NKAIN3: variants seen among roughly 807,000 people sequenced by gnomAD.
The protein encoded by NKAIN3 is sodium/potassium transporting ATPase interacting 3.
A neutral mutation model predicts 30.2 loss-of-function variants in NKAIN3; 25 were observed. That is an observed-to-expected ratio of 0.83 (90% CI 0.60 to 1.16). The LOEUF is 1.16. Ranked by LOEUF, NKAIN3 falls within the 50% of genes most tolerant of loss-of-function variation. The probability of loss-of-function intolerance (pLI) is 0.00; values close to 1 mark genes in which losing one functional copy is unlikely to be tolerated. For synonymous variants in NKAIN3, 91 were observed against 89.6 expected (o/e 1.02, Z -0.09); for missense variants, 225 against 254.1 (o/e 0.89, Z 0.78).
At chr8:62,377,101 A>G (rs1241461467) in intron 1 of NKAIN3, among the ~76,000 whole-genome samples, 2 of 152,228 alleles carry the variant, frequency 1.3e-5, no homozygotes, top group Non-Finnish European at 2.9e-5. Context: ...TGGAAAATTA[A>G]CAATAGACTA....
chr8:62,579,154 A>G lies in NKAIN3; in HGVS notation c.55-385A>G, dbSNP rs1055640908. Among the ~76,000 whole-genome samples, 3 of 152,024 alleles carry G rather than the reference A, an allele frequency of 2.0e-5. No homozygotes were observed. In the East Asian group the frequency reaches 5.8e-4, roughly 29 times the overall value. On this transcript the variant is annotated intron_variant, in intron 1 of 6. Transcript: ENST00000623646. Reference sequence around the variant, plus strand: ...ATGCCTATATTAAGACATCACATGTACCCCATAAATATATATACCTATGAT... The same window carrying G: ...ATGCCTATATTAAGACATCACATGTGCCCCATAAATATATATACCTATGAT...
chr8:62,940,420 T>C (rs887942841), intron 5 of NKAIN3, among the ~76,000 whole-genome samples: 2 of 152,066 alleles, frequency 1.3e-5, no homozygotes, highest in East Asian at 3.9e-4. Context: ...CAAATGAACT[T>C]AACAGATATT....
In NKAIN3 at chr8:62,588,322, A is replaced by G. The variant is rs1338080872; in HGVS notation, c.193-1392A>G. ...ACCTGCATATACCAAAAATCTCACT[A>G]TATATTTTTACTTATCTTAACTTTT... On this transcript the variant is annotated intron_variant, in intron 2 of 6. Coordinates refer to ENST00000623646, the MANE Select transcript of NKAIN3 (RefSeq NM_001304533.3). Among the ~76,000 whole-genome samples, 3 of 151,848 alleles carry G rather than the reference A, an allele frequency of 2.0e-5. No individual in the cohort carries two copies. In the East Asian group the frequency reaches 5.8e-4, roughly 29 times the overall value.
At chr8:62,424,752 T>G (rs1328544325) in intron 1 of NKAIN3, among the ~76,000 whole-genome samples, 1 of 151,934 alleles carries the variant, frequency 6.6e-6, no homozygotes, top group Non-Finnish European at 1.5e-5. Flanking sequence ...CTTAGAAAAT[T>G]AAATATAGAA....
chr8:62,817,296 TA>T (rs1818715239), intron 4 of NKAIN3, among the ~76,000 whole-genome samples: 1 of 152,184 alleles, frequency 6.6e-6, no homozygotes, highest in Non-Finnish European at 1.5e-5. Context: ...AAACTTGAAA[TA>T]AATGTGTGTT....
chr8:62,703,130 C>T (rs1814397726), intron 3 of NKAIN3, among the ~76,000 whole-genome samples: 1 of 151,996 alleles, frequency 6.6e-6, no homozygotes, highest in Non-Finnish European at 1.5e-5. Flanking sequence ...TATTTCATAT[C>T]ATTACTAATA....
intron 5 of NKAIN3, among the ~76,000 whole-genome samples, chr8:62,926,309 A>T (rs1822440644): frequency 6.6e-6 from 1 of 152,122 alleles, no homozygotes; most frequent in African/African-American, 2.4e-5. Flanking sequence ...TTTAAATCTA[A>T]ATTCAGTATT....
rs1585983557 is a variant in NKAIN3, at chr8:62,589,904, TGTGTGTGTGTG to T, written c.273+111_273+121del. ...GTGTGTGTGTGTGTGTGTGTGTGTG[TGTGTGTGTGTG>T]TATAGAATGATAAAATACTATTCAA... On this transcript the variant is annotated intron_variant, in intron 3 of 6. Coordinates refer to ENST00000623646, the MANE Select transcript of NKAIN3 (RefSeq NM_001304533.3). The T allele has an allele frequency of 1.3e-5, 6 of 456,696 alleles. No individual in the cohort carries two copies. In the East Asian group the frequency reaches 2.0e-4, roughly 15 times the overall value. 28.3% of individuals were successfully genotyped at this position (456,696 alleles called of 1,614,324 possible).
chr8:62,746,492 A>C (rs1215475389), intron 3 of NKAIN3, among the ~76,000 whole-genome samples: 2 of 152,370 alleles, frequency 1.3e-5, no homozygotes, highest in African/African-American at 2.4e-5. Flanking sequence ...AAGTGCCTAC[A>C]TGAACATTCA....
At position 62,973,792 on chromosome 8, in the gene NKAIN3, C is replaced by A. The variant is rs983939657; in HGVS notation, c.*8385C>A. Among the ~76,000 whole-genome samples the A allele has an allele frequency of 6.6e-6, 1 of 151,942 alleles. No individual in the cohort carries two copies. The highest frequency in any genetic ancestry group is 2.4e-5 in the African/African-American group (1 of 41,384). The stretch of plus-strand genomic sequence containing the variant: ...AGGTTTTCTTCTAGGGTTTTAATGG[C>A]TTTGGGTTTTACATTTAAGTTTTTA... On this transcript the variant is annotated 3_prime_UTR_variant, in exon 7 of 7. Transcript: ENST00000623646.
At chr8:62,880,019 T>C (rs1366532137) in intron 4 of NKAIN3, among the ~76,000 whole-genome samples, 1 of 152,232 alleles carries the variant, frequency 6.6e-6, no homozygotes, top group East Asian at 1.9e-4. Flanking sequence ...GCTTAAACTT[T>C]ACAGCCTCCT....
chr8:62,357,771 A>T (rs1157978584), intron 1 of NKAIN3, among the ~76,000 whole-genome samples: 1 of 152,188 alleles, frequency 6.6e-6, no homozygotes, highest in Non-Finnish European at 1.5e-5. Flanking sequence ...CTGTTAGCAG[A>T]GTTTGCAAGA....
At chr8:62,610,000 G>A (rs1811241254) in intron 3 of NKAIN3, among the ~76,000 whole-genome samples, 1 of 152,068 alleles carries the variant, frequency 6.6e-6, no homozygotes, top group Non-Finnish European at 1.5e-5. Flanking sequence ...CTGTGTAGGG[G>A]ACAAGAGTGA....
At chr8:62,918,424 T>C in intron 4 of NKAIN3, 29 bp from the exon 5 acceptor site, 1 of 1,561,504 alleles carries the variant, frequency 6.4e-7, no homozygotes, top group Non-Finnish European at 8.8e-7. Flanking sequence ...GCATAGATTC[T>C]TAAGGTACAC....
Position 62,667,350 on chromosome 8 carries a change from T to TATGTATATATATATAA in NKAIN3, c.273+77558_273+77559insGTATATATATATAAAT, listed in dbSNP as rs1563507990. On this transcript the variant is annotated intron_variant, in intron 3 of 6. Coordinates refer to ENST00000623646, the MANE Select transcript of NKAIN3 (RefSeq NM_001304533.3). ...ATATTCTTTATATATATATTCTTTA[T>TATGTATATATATATAA]ATATATATCTGTATATATATATATA... Among the ~76,000 whole-genome samples, 227 of 77,510 alleles carry TATGTATATATATATAA rather than the reference T, an allele frequency of 2.9e-3. 8 individuals carry two copies. Among genetic ancestry groups the TATGTATATATATATAA allele is most frequent in the African/African-American group, 0.013 (213 of 16,090 alleles). 50.8% of individuals were successfully genotyped at this position (77,510 alleles called of 152,430 possible). A position where few individuals can be genotyped will look rare whatever the true frequency, so the allele number is the denominator to read the frequency against.
At chr8:62,712,660 C>G (rs1814761013) in intron 3 of NKAIN3, among the ~76,000 whole-genome samples, 1 of 152,168 alleles carries the variant, frequency 6.6e-6, no homozygotes, top group Admixed American at 6.5e-5. Flanking sequence ...CTACCCGCCT[C>G]TCAGCCTTGA....
At chr8:62,533,817 G>C (rs1264432990) in intron 1 of NKAIN3, among the ~76,000 whole-genome samples, 1 of 152,138 alleles carries the variant, frequency 6.6e-6, no homozygotes, top group East Asian at 1.9e-4. Flanking sequence ...GTAAATATTA[G>C]TAGAACTCAT....
In NKAIN3 at chr8:62,435,100, G is replaced by T. The variant is rs184972052; in HGVS notation, c.55-144439G>T. On this transcript the variant is annotated intron_variant, in intron 1 of 6. Coordinates refer to ENST00000623646, the MANE Select transcript of NKAIN3 (RefSeq NM_001304533.3). ...ATAAGGAGGAGATTTTGGATAAGTGGACAATTTTCTGGTCAGCGCTGACAC... is the reference window on the plus strand; with the variant it reads ...ATAAGGAGGAGATTTTGGATAAGTGTACAATTTTCTGGTCAGCGCTGACAC... Among the ~76,000 whole-genome samples the T allele has an allele frequency of 7.9e-5, 12 of 152,218 alleles. No individual in the cohort carries two copies. The East Asian group carries it at 2.1e-3, about 27-fold the overall frequency.
At chr8:62,409,794 A>C (rs180908409) in intron 1 of NKAIN3, among the ~76,000 whole-genome samples, 1 of 152,132 alleles carries the variant, frequency 6.6e-6, no homozygotes, top group East Asian at 1.9e-4. Flanking sequence ...TATTTATTTA[A>C]CACTAAGTAA....
Sources: allele counts gnomAD v4.1 joint callset (sites outside exome capture counted in the v4.1 genomes callset), GRCh38; gene constraint gnomAD v4.1.1; transcripts MANE v1.5; gene names NCBI Gene and HGNC (gene_info 2026-07-23, HGNC 2026-07-21).